The following FIGN variants were observed in gnomAD, a reference collection of about 807,000 sequenced individuals.
The protein encoded by FIGN is fidgetin, microtubule severing factor.
FIGN carries 11 observed loss-of-function variants against 51.3 expected under a neutral mutation model. The ratio of observed to expected loss-of-function variants is 0.21; its 90% CI spans 0.13 to 0.35. The LOEUF (loss-of-function observed/expected upper bound fraction) is 0.35, where lower values mean the gene tolerates loss of function less well. FIGN is among the 10% of genes least tolerant of loss of function. The probability of loss-of-function intolerance (pLI) is 1.00; values close to 1 mark genes in which losing one functional copy is unlikely to be tolerated. For missense variants in FIGN, 857 were observed against 943.6 expected (o/e 0.91, Z 1.20); for synonymous variants, 407 against 363.2 (o/e 1.12, Z -1.37).
intron 2 of FIGN, among the ~76,000 whole-genome samples, chr2:163,720,616 G>A (rs115107586): frequency 6.6e-6 from 1 of 152,008 alleles, no homozygotes; most frequent in Non-Finnish European, 1.5e-5. Flanking sequence ...GGACAAATAA[G>A]TGCCACCTCC....
chr2:163,648,305 C>A (rs1683415054), intron 2 of FIGN, among the ~76,000 whole-genome samples: 1 of 152,112 alleles, frequency 6.6e-6, no homozygotes, highest in African/African-American at 2.4e-5. Context: ...CCAGCCTCAC[C>A]TCAGAACAGT....
In FIGN at chr2:163,610,627, G is replaced by A. The variant is rs1290259645; in HGVS notation, c.1205C>T (p.Pro402Leu). Residue 402 changes from proline (P) to leucine (L), a missense_variant, in exon 3 of 3, where the codon CCT (proline) becomes CTT (leucine). Pro to Leu is a moderately conservative substitution (Grantham distance 98). Coordinates refer to ENST00000333129, the MANE Select transcript of FIGN (RefSeq NM_018086.4). ...TGAATTTTTAGCAGTACTGTAGGAA[G>A]GAGGGGTCAGAGCCCTACTGGACTG... ...SSQSSRALTPPSYSTAKNSLG... is the reference protein window; with the variant it reads ...SSQSSRALTPLSYSTAKNSLG... 6 of 1,614,088 alleles carry A rather than the reference G, an allele frequency of 3.7e-6. No individual in the cohort carries two copies. The Admixed American group carries it at 8.3e-5, about 22-fold the overall frequency.
At chr2:163,619,051 CT>C (rs1188790570) in intron 2 of FIGN, among the ~76,000 whole-genome samples, 1 of 152,040 alleles carries the variant, frequency 6.6e-6, no homozygotes, top group Non-Finnish European at 1.5e-5. Flanking sequence ...TGAATGGTAT[CT>C]TAAAAAACTG....
chr2:163,684,670 T>C (rs1003377754), intron 2 of FIGN, among the ~76,000 whole-genome samples: 1 of 152,362 alleles, frequency 6.6e-6, no homozygotes, highest in African/African-American at 2.4e-5. Context: ...TTCTCCTCTA[T>C]GAACCACAGG....
chr2:163,656,871 C>G (rs1489591333), intron 2 of FIGN, among the ~76,000 whole-genome samples: 1 of 152,070 alleles, frequency 6.6e-6, no homozygotes, highest in East Asian at 1.9e-4. Flanking sequence ...ACCTTTAGAG[C>G]CCAGGAAAAA....
intron 2 of FIGN, among the ~76,000 whole-genome samples, chr2:163,666,761 C>T (rs1044583937): frequency 6.6e-6 from 1 of 151,820 alleles, no homozygotes; most frequent in African/African-American, 2.4e-5. Flanking sequence ...AATGAGGACA[C>T]AAAGCCTCAA....
chr2:163,718,961 G>A (rs1157704369), intron 2 of FIGN, among the ~76,000 whole-genome samples: 1 of 151,888 alleles, frequency 6.6e-6, no homozygotes, highest in Non-Finnish European at 1.5e-5. Flanking sequence ...TTCATTATAG[G>A]TCTACCCTCA....
chr2:163,693,446 G>A (rs1213418591), intron 2 of FIGN, among the ~76,000 whole-genome samples: 1 of 152,104 alleles, frequency 6.6e-6, no homozygotes, highest in Non-Finnish European at 1.5e-5. Flanking sequence ...ACAATATAAA[G>A]ACTCATGAGT....
intron 2 of FIGN, among the ~76,000 whole-genome samples, chr2:163,697,554 TC>T (rs575084820): frequency 4.1e-4 from 63 of 152,282 alleles, no homozygotes; most frequent in Non-Finnish European, 8.1e-4. Context: ...CAAACACTCC[TC>T]TTCAACACTA....
chr2:163,707,175 C>T lies in FIGN; in HGVS notation c.25+27728G>A, dbSNP rs571619778. ...TCCTCTGGCCAACATGGTGAAACCC[C>T]GTCTCTACCAAAAATACAAAAAAAT... On this transcript the variant is annotated intron_variant, in intron 2 of 2. Coordinates refer to ENST00000333129, the MANE Select transcript of FIGN (RefSeq NM_018086.4). Among the ~76,000 whole-genome samples the T allele has an allele frequency of 2.4e-4, 36 of 151,980 alleles. 1 individual carries two copies. In the South Asian group the frequency reaches 7.5e-3, roughly 32 times the overall value.
chr2:163,712,319 G>A (rs1287104499), intron 2 of FIGN, among the ~76,000 whole-genome samples: 1 of 152,152 alleles, frequency 6.6e-6, no homozygotes, highest in African/African-American at 2.4e-5. Context: ...ATGTGTGTAG[G>A]TGATGTATGT....
Position 163,604,460 on chromosome 2 carries a change from C to G in FIGN, c.*5092G>C, listed in dbSNP as rs929963146. On this transcript the variant is annotated 3_prime_UTR_variant, in exon 3 of 3. Coordinates refer to ENST00000333129, the MANE Select transcript of FIGN (RefSeq NM_018086.4). The stretch of plus-strand genomic sequence containing the variant: ...TAAAAGTCCATCAGTATCCCAAGTA[C>G]TCGTGCATTATCTACCCTGCCACAC... 5 of 152,216 alleles carry G rather than the reference C, an allele frequency of 3.3e-5. No homozygotes were observed. The highest frequency in any genetic ancestry group is 3.3e-4 in the Admixed American group (5 of 15,256). 9.4% of individuals were successfully genotyped at this position (152,216 alleles called of 1,614,324 possible). A position where few individuals can be genotyped will look rare whatever the true frequency, so the allele number is the denominator to read the frequency against.
chr2:163,627,215 A>G (rs912764955), intron 2 of FIGN, among the ~76,000 whole-genome samples: 4 of 152,116 alleles, frequency 2.6e-5, no homozygotes, highest in Admixed American at 1.3e-4. Flanking sequence ...CGTGACATCC[A>G]AGAACCCTAT....
chr2:163,671,569 A>G (rs1683876792), intron 2 of FIGN, among the ~76,000 whole-genome samples: 1 of 152,202 alleles, frequency 6.6e-6, no homozygotes, highest in Admixed American at 6.5e-5. Context: ...ACATATTAAT[A>G]ACTGAAAGAT....
intron 2 of FIGN, among the ~76,000 whole-genome samples, chr2:163,700,117 T>C (rs1307430792): frequency 2.0e-5 from 3 of 152,196 alleles, no homozygotes; most frequent in Non-Finnish European, 4.4e-5. Context: ...AAAGCCATCA[T>C]GCCTTGTGTT....
intron 1 of FIGN, among the ~76,000 whole-genome samples, chr2:163,735,415 G>T (rs911588130): frequency 3.3e-5 from 5 of 151,990 alleles, no homozygotes; most frequent in Non-Finnish European, 7.4e-5. Flanking sequence ...TCAACTTTTT[G>T]TGTGTGTGCA....
rs980534388 is a variant in FIGN at position 163,611,022 on chromosome 2, C to A, written c.810G>T (p.Pro270=). 13 of 1,613,686 alleles carry A rather than the reference C, an allele frequency of 8.1e-6. No individual in the cohort carries two copies. Among genetic ancestry groups the A allele is most frequent in the Non-Finnish European group, 8.5e-6 (10 of 1,179,996 alleles). ...TTCCTGAAGGCAGGTACGCTGAAGG[C>A]GGAGGCGGTGCCCCCCCAGGGCTGT... ...SGYSPGGAPP[P]PSAYLPSGIP... Residue 270 remains proline (P), a synonymous_variant, in exon 3 of 3, where the codon CCG becomes CCT. Coordinates refer to ENST00000333129, the MANE Select transcript of FIGN (RefSeq NM_018086.4).
intron 2 of FIGN, among the ~76,000 whole-genome samples, chr2:163,732,734 G>C (rs1433941878): frequency 6.6e-6 from 1 of 152,136 alleles, no homozygotes; most frequent in Non-Finnish European, 1.5e-5. Context: ...AAATATCCTT[G>C]CTTTTTTTCT....
At chr2:163,644,072 A>G (rs1271870160) in intron 2 of FIGN, among the ~76,000 whole-genome samples, 1 of 151,974 alleles carries the variant, frequency 6.6e-6, no homozygotes, top group Non-Finnish European at 1.5e-5. Context: ...CAAAAGCATG[A>G]GCACCAAAAG....
Sources: gnomAD v4.1 joint callset for allele counts (sites outside exome capture counted in the v4.1 genomes callset) on GRCh38, gnomAD v4.1.1 for gene constraint, MANE v1.5 for transcripts, NCBI Gene and HGNC (gene_info 2026-07-23, HGNC 2026-07-21) for gene names.